The following MOB1B variants were observed in gnomAD, a reference collection of about 807,000 sequenced individuals.
MOB1B encodes the protein MOB1 Mps One Binder homolog B.
Under a neutral mutation model 24.4 loss-of-function variants are expected in MOB1B, and 19 were observed. The observed-to-expected ratio is 0.78, with a 90% CI of 0.54 to 1.14. The LOEUF (loss-of-function observed/expected upper bound fraction) is 1.14. Among genes scored for constraint, MOB1B ranks in the 50% most tolerant of loss-of-function variants. The pLI is 0.00. For missense variants in MOB1B, 243 were observed against 259.6 expected, an observed-to-expected ratio of 0.94 and a Z score of 0.44; for synonymous variants, 76 against 82.1, an observed-to-expected ratio of 0.93 and a Z score of 0.40.
intron 1 of MOB1B, among the ~76,000 whole-genome samples, chr4:70,940,830 C>A (rs1393426779): frequency 2.6e-5 from 4 of 152,018 alleles, no homozygotes; most frequent in Non-Finnish European, 5.9e-5. Context: ...GCATGCACCA[C>A]CACGCCCGGC....
In MOB1B at chr4:70,986,435, CT is replaced by C. The variant is rs1014411152; in HGVS notation, c.*4382del. 271 of 151,988 alleles carry C rather than the reference CT, an allele frequency of 1.8e-3. 1 individual carries two copies. Among genetic ancestry groups the C allele is most frequent in the African/African-American group, 6.2e-3 (257 of 41,502 alleles). 9.4% of individuals were successfully genotyped at this position (151,988 alleles called of 1,614,324 possible). The stretch of plus-strand genomic sequence containing the variant: ...GTATAACCTTTTCATATATTTATAA[CT>C]TTTAATGTCTTTTTAAAAGATGTGG... On this transcript the variant is annotated 3_prime_UTR_variant, in exon 6 of 6. Coordinates refer to ENST00000309395, the MANE Select transcript of MOB1B (RefSeq NM_173468.4).
intron 1 of MOB1B, among the ~76,000 whole-genome samples, chr4:70,949,718 T>A (rs1474339088): frequency 3.3e-5 from 5 of 152,002 alleles, no homozygotes; most frequent in Non-Finnish European, 7.4e-5. Flanking sequence ...TGAGACTTCC[T>A]CTCTATAAAA....
At chr4:70,934,059 A>G (rs755406701) in intron 1 of MOB1B, among the ~76,000 whole-genome samples, 2 of 151,992 alleles carry the variant, frequency 1.3e-5, no homozygotes, top group Non-Finnish European at 2.9e-5. Flanking sequence ...TACCACATAC[A>G]TACTTCTCAT....
chr4:70,905,767 T>C (rs1259353981), intron 1 of MOB1B, among the ~76,000 whole-genome samples: 1 of 152,080 alleles, frequency 6.6e-6, no homozygotes, highest in Non-Finnish European at 1.5e-5. Context: ...TACTGATTTT[T>C]AAAAGATGCA....
At chr4:70,938,760 T>C (rs1737198034) in intron 1 of MOB1B, among the ~76,000 whole-genome samples, 1 of 141,980 alleles carries the variant, frequency 7.0e-6, no homozygotes, top group Non-Finnish European at 1.5e-5. Flanking sequence ...TTGGATTGGT[T>C]TTAATTTTAG....
At chr4:70,943,245 G>A (rs1396736448) in intron 1 of MOB1B, among the ~76,000 whole-genome samples, 1 of 152,128 alleles carries the variant, frequency 6.6e-6, no homozygotes, top group Non-Finnish European at 1.5e-5. Context: ...GCTAAATGGG[G>A]TGGTTCAGCT....
In MOB1B at chr4:70,983,258, A is replaced by G. The variant is rs1739273775; in HGVS notation, c.*1201A>G. 6.6e-6 allele frequency: 1 copy of G among 152,480 alleles called. No homozygotes were observed. 9.4% of individuals were successfully genotyped at this position (152,480 alleles called of 1,614,324 possible). A position where few individuals can be genotyped will look rare whatever the true frequency, so the allele number is the denominator to read the frequency against. ...TGTTTGCCTGTCATTTTAAGATGATACCATACCTTCTTTGGTTATTATAGG... is the reference window on the plus strand; with the variant it reads ...TGTTTGCCTGTCATTTTAAGATGATGCCATACCTTCTTTGGTTATTATAGG... On this transcript the variant is annotated 3_prime_UTR_variant, in exon 6 of 6. Coordinates refer to ENST00000309395, the MANE Select transcript of MOB1B (RefSeq NM_173468.4).
chr4:70,960,045 G>A (rs930118840), intron 2 of MOB1B, among the ~76,000 whole-genome samples: 4 of 151,828 alleles, frequency 2.6e-5, no homozygotes, highest in Non-Finnish European at 5.9e-5. Flanking sequence ...CACCATGTCC[G>A]GCTAATTTTT....
chr4:70,971,652 GTA>G (rs1225813193), intron 3 of MOB1B, among the ~76,000 whole-genome samples: 1 of 152,182 alleles, frequency 6.6e-6, no homozygotes, highest in Non-Finnish European at 1.5e-5. Context: ...TCCCCCTTTA[GTA>G]TTAATTCTTG....
chr4:70,935,321 G>A (rs1220246408), intron 1 of MOB1B, among the ~76,000 whole-genome samples: 1 of 152,004 alleles, frequency 6.6e-6, no homozygotes, highest in Admixed American at 6.6e-5. Context: ...AGGGAATCTG[G>A]GCAATTCTCT....
intron 4 of MOB1B, chr4:70,976,810 C>G (rs1007037089): frequency 5.7e-5 from 10 of 174,844 alleles, no homozygotes; most frequent in African/African-American, 2.7e-4. Context: ...GGATGAGTGT[C>G]CCCACCTTAT....
chr4:70,961,975 C>T (rs2148895557), intron 2 of MOB1B, among the ~76,000 whole-genome samples: 1 of 152,272 alleles, frequency 6.6e-6, no homozygotes, highest in South Asian at 2.1e-4. Context: ...GCTATAATCC[C>T]AGCATTTTGG....
intron 1 of MOB1B, among the ~76,000 whole-genome samples, chr4:70,944,867 T>G (rs1408286463): frequency 6.6e-6 from 1 of 152,126 alleles, no homozygotes; most frequent in South Asian, 2.1e-4. Context: ...CACCAAGCCA[T>G]GAAGGACCCA....
Position 70,926,982 on chromosome 4 carries a change from G to A in MOB1B, c.14+24432G>A, listed in dbSNP as rs1025913388. ...ACTGCACTCCGGCCTGGGCAACAGA[G>A]CAAGACTCCGTCTCAAAAAAGAAAA... is the stretch of plus-strand genomic sequence containing the variant. On this transcript the variant is annotated intron_variant, in intron 1 of 5. Transcript: ENST00000309395. Among the ~76,000 whole-genome samples the A allele has an allele frequency of 2.8e-5, 4 of 142,984 alleles. No individual in the cohort carries two copies. The East Asian group carries it at 8.3e-4, about 30-fold the overall frequency. 93.8% of individuals were successfully genotyped at this position (142,984 alleles called of 152,430 possible).
intron 2 of MOB1B, among the ~76,000 whole-genome samples, chr4:70,963,888 G>A (rs1738412816): frequency 6.6e-6 from 1 of 152,014 alleles, no homozygotes; most frequent in Admixed American, 6.6e-5. Context: ...TGATTACAAA[G>A]CAAAACAAAT....
chr4:70,924,088 G>A (rs1212070488), intron 1 of MOB1B, among the ~76,000 whole-genome samples: 5 of 151,954 alleles, frequency 3.3e-5, no homozygotes, highest in African/African-American at 1.2e-4. Flanking sequence ...TCTGGTGTTT[G>A]GGATCATGTT....
intron 1 of MOB1B, among the ~76,000 whole-genome samples, chr4:70,910,155 C>T (rs1231641340): frequency 6.6e-6 from 1 of 151,930 alleles, no homozygotes; most frequent in East Asian, 1.9e-4. Flanking sequence ...ACTGTCCTGC[C>T]TCCGCCTGCT....
At chr4:70,914,990 A>G (rs1324148817) in intron 1 of MOB1B, among the ~76,000 whole-genome samples, 2 of 152,212 alleles carry the variant, frequency 1.3e-5, no homozygotes, top group African/African-American at 4.8e-5. Context: ...TCAATACTTC[A>G]GAAATGTTGG....
At position 70,986,588 on chromosome 4, in the gene MOB1B, G is replaced by A. The variant is rs1432945143; in HGVS notation, c.*4531G>A. On this transcript the variant is annotated 3_prime_UTR_variant, in exon 6 of 6. Coordinates refer to ENST00000309395, the MANE Select transcript of MOB1B (RefSeq NM_173468.4). ...TTAAAAACACAGATTTATACTTTAA[G>A]CTTATTTTAAAATTAAAGAATATAT... is the stretch of plus-strand genomic sequence containing the variant. 6.6e-6 allele frequency: 1 copy of A among 151,956 alleles called. No homozygotes were observed. The highest frequency in any genetic ancestry group is 1.5e-5 in the Non-Finnish European group (1 of 67,930). 9.4% of individuals were successfully genotyped at this position (151,956 alleles called of 1,614,324 possible).
Sources: gnomAD v4.1 joint callset for allele counts (sites outside exome capture counted in the v4.1 genomes callset) on GRCh38, gnomAD v4.1.1 for gene constraint, MANE v1.5 for transcripts, NCBI Gene and HGNC (gene_info 2026-07-23, HGNC 2026-07-21) for gene names.